PPIE: variants seen among roughly 807,000 people sequenced by gnomAD.
The protein encoded by PPIE is peptidyl-prolyl cis-trans isomerase E.
In PPIE, 20 loss-of-function variants were observed where a neutral mutation model predicts 38.4. The ratio of observed to expected loss-of-function variants is 0.52; its 90% CI spans 0.37 to 0.76. The LOEUF is 0.76. Ranked by LOEUF, PPIE falls within the 30% of genes least tolerant of loss-of-function variation. The pLI, the probability that PPIE is intolerant of heterozygous loss-of-function variation, is 0.00. For synonymous variants in PPIE, 142 were observed against 135.7 expected, an observed-to-expected ratio of 1.05 and a Z score of -0.32; for missense variants, 322 against 385.8, an observed-to-expected ratio of 0.83 and a Z score of 1.39.
chr1:39,749,105 A>T lies in PPIE; in HGVS notation c.694+17A>T, dbSNP rs889482818. 6.4e-7 allele frequency: 1 copy of T among 1,569,832 alleles called. No individual in the cohort carries two copies. Among genetic ancestry groups the T allele is most frequent in the Non-Finnish European group, 8.6e-7 (1 of 1,159,980 alleles). ...CGGGACCAGGTAGGAGCCAGTTGGC[A>T]TGTGGTGACGAGGGAGGCTGGGCAA... On this transcript the variant is annotated intron_variant, in intron 8 of 9. Coordinates refer to ENST00000324379, the MANE Select transcript of PPIE (RefSeq NM_006112.4).
At chr1:39,760,322 C>T (rs986148217), downstream of PPIE, 5 of 1,552,190 alleles carry the variant, frequency 3.2e-6, no homozygotes, top group Middle Eastern at 1.8e-4. Context: ...CCTGGCAATG[C>T]CCCGGCCTGG....
At chr1:39,760,445 C>T, downstream of PPIE, 1 of 1,614,116 alleles carries the variant, frequency 6.2e-7, no homozygotes, top group Non-Finnish European at 8.5e-7. Context: ...GCCTTGACCA[C>T]CATGTTGCGG....
At chr1:39,739,843 T>A (rs1457609929) in intron 1 of PPIE, among the ~76,000 whole-genome samples, 3 of 152,064 alleles carry the variant, frequency 2.0e-5, no homozygotes, top group South Asian at 4.2e-4. Context: ...TTTGAAGGAG[T>A]GTAAGCGAAA....
Position 39,755,668 on chromosome 1 carries a change from C to T in PPIE, c.*2313C>T. Reference sequence around the variant, plus strand: ...CCCATAAAAGGACAGACTCCTGTGACAACCTTGTCACTCTGTTCCTCCCTG... The same window carrying T: ...CCCATAAAAGGACAGACTCCTGTGATAACCTTGTCACTCTGTTCCTCCCTG... On this transcript the variant is annotated 3_prime_UTR_variant, in exon 10 of 10. Coordinates refer to ENST00000324379, the MANE Select transcript of PPIE (RefSeq NM_006112.4). The T allele has an allele frequency of 3.0e-6, 3 of 985,414 alleles. No homozygotes were observed. Among genetic ancestry groups the T allele is most frequent in the Non-Finnish European group, 3.6e-6 (3 of 829,934 alleles). The allele number at this position is 985,414 out of a possible 1,614,324, so 61.0% of individuals were successfully genotyped here.
At chr1:39,745,732 A>G in intron 7 of PPIE, 3 of 509,376 alleles carry the variant, frequency 5.9e-6, no homozygotes, top group Non-Finnish European at 1.0e-5. Flanking sequence ...CAAGTAAATA[A>G]TGTATTCTTT....
rs1048522160 is a variant in PPIE at position 39,755,753 on chromosome 1, T to C, written c.*2398T>C. 5.4e-5 allele frequency: 53 copies of C among 985,156 alleles called. No homozygotes were observed. In the Admixed American group the frequency reaches 1.2e-3, roughly 23 times the overall value. 61.0% of individuals were successfully genotyped at this position (985,156 alleles called of 1,614,324 possible). A position where few individuals can be genotyped will look rare whatever the true frequency, so the allele number is the denominator to read the frequency against. On this transcript the variant is annotated 3_prime_UTR_variant, in exon 10 of 10. Transcript: ENST00000324379. ...TGAAAGCTCAGCAGGTTTGGAGCCA[T>C]TGGGTGTGGACTCCTCTCCCAGTGT...
chr1:39,745,722 CA>C, intron 7 of PPIE: 1 of 541,268 alleles, frequency 1.8e-6, no homozygotes, highest in Non-Finnish European at 3.2e-6. Flanking sequence ...TTTAAAAATA[CA>C]AGTAAATAAT....
chr1:39,745,722 C>T (rs765584127), intron 7 of PPIE: 13 of 541,150 alleles, frequency 2.4e-5, no homozygotes, highest in Non-Finnish European at 3.8e-5. Context: ...TTTAAAAATA[C>T]AAGTAAATAA....
At chr1:39,740,872 GCTTT>G (rs1647039849) in intron 2 of PPIE, among the ~76,000 whole-genome samples, 1 of 152,184 alleles carries the variant, frequency 6.6e-6, no homozygotes, top group African/African-American at 2.4e-5. Flanking sequence ...GGTTATGTTG[GCTTT>G]CTAAGGGCCT....
intron 6 of PPIE, among the ~76,000 whole-genome samples, chr1:39,744,383 G>A (rs510601): frequency 0.59 from 89,955 of 151,992 alleles, 26,833 homozygotes; most frequent in Middle Eastern, 0.67. Context: ...CAGTCCTACG[G>A]GAACCTGCTG....
chr1:39,738,886 A>G lies in PPIE; in HGVS notation c.-15A>G, dbSNP rs752954070. 7.3e-6 allele frequency: 11 copies of G among 1,514,860 alleles called. No individual in the cohort carries two copies. In the East Asian group the frequency reaches 1.9e-4, roughly 26 times the overall value. The allele number at this position is 1,514,860 out of a possible 1,614,324, so 93.8% of individuals were successfully genotyped here. A position where few individuals can be genotyped will look rare whatever the true frequency, so the allele number is the denominator to read the frequency against. On this transcript the variant is annotated 5_prime_UTR_variant, in exon 1 of 10. Transcript: ENST00000324379. ...GGTCGAGTGCTGGCTTCCGGCGGAA[A>G]AGCGCGCGAGCAAGATGGCCACCAC... is the stretch of plus-strand genomic sequence containing the variant.
At chr1:39,741,705 A>G (rs1282451529) in intron 3 of PPIE, 190 bp from the exon 4 acceptor site, 8 of 653,428 alleles carry the variant, frequency 1.2e-5, no homozygotes, top group Non-Finnish European at 2.1e-5. Context: ...GCCTTCAACT[A>G]GATGGCAAAT....
chr1:39,741,826 A>G (rs1160288733), intron 3 of PPIE, 69 bp from the exon 4 acceptor site: 13 of 1,564,794 alleles, frequency 8.3e-6, no homozygotes, highest in South Asian at 5.6e-5. Flanking sequence ...GCTACTGAGC[A>G]TGTGTTTAGA....
At chr1:39,760,247 G>T, downstream of PPIE, 1 of 1,120,684 alleles carries the variant, frequency 8.9e-7, no homozygotes. Context: ...GCCTGGCAGG[G>T]CAAGGGGAGC....
In PPIE at chr1:39,756,315, A is replaced by T; in HGVS notation, c.*2960A>T. The T allele has an allele frequency of 2.0e-6, 2 of 985,394 alleles. No individual in the cohort carries two copies. The highest frequency in any genetic ancestry group is 1.2e-6 in the Non-Finnish European group (1 of 829,910). 61.0% of individuals were successfully genotyped at this position (985,394 alleles called of 1,614,324 possible). ...CCCCATTCCACATTCCCATTGCTGG[A>T]CCAGCACCAGGACTGGGCACAGGGC... is the stretch of plus-strand genomic sequence containing the variant. On this transcript the variant is annotated 3_prime_UTR_variant, in exon 10 of 10. Transcript: ENST00000324379.
intron 9 of PPIE, among the ~76,000 whole-genome samples, chr1:39,762,037 G>A (rs1314832030): frequency 6.6e-5 from 10 of 152,186 alleles, no homozygotes; most frequent in South Asian, 2.1e-4. Flanking sequence ...AGAACCACAC[G>A]GCATAAAGGG....
At chr1:39,763,719 C>T (rs750842978) in exon 10 of PPIE, 1 of 1,600,440 alleles carries the variant, frequency 6.2e-7, no homozygotes, top group South Asian at 1.1e-5. Context: ...TACCAGCCAG[C>T]CGAGGTCCTG....
chr1:39,756,331 G>C lies in PPIE; in HGVS notation c.*2976G>C. On this transcript the variant is annotated 3_prime_UTR_variant, in exon 10 of 10. Coordinates refer to ENST00000324379, the MANE Select transcript of PPIE (RefSeq NM_006112.4). Reference sequence around the variant, plus strand: ...CATTGCTGGACCAGCACCAGGACTGGGCACAGGGCTTCCTTTTGCTGATTC... The same window carrying C: ...CATTGCTGGACCAGCACCAGGACTGCGCACAGGGCTTCCTTTTGCTGATTC... 1.0e-6 allele frequency: 1 copy of C among 985,414 alleles called. No individual in the cohort carries two copies. The allele number at this position is 985,414 out of a possible 1,614,324, so 61.0% of individuals were successfully genotyped here.
intron 9 of PPIE, chr1:39,762,978 G>T (rs1395121684): frequency 1.5e-6 from 2 of 1,315,942 alleles, no homozygotes; most frequent in African/African-American, 2.9e-5. Context: ...TGCAGACAAA[G>T]CCCCCTGAGA....
Sources: gnomAD v4.1 joint callset for allele counts (sites outside exome capture counted in the v4.1 genomes callset) on GRCh38, gnomAD v4.1.1 for gene constraint, MANE v1.5 for transcripts, NCBI Gene and HGNC (gene_info 2026-07-23, HGNC 2026-07-21) for gene names.